Variants in FAM149A observed in about 807,000 individuals in gnomAD.
The protein encoded by FAM149A is protein FAM149A.
In FAM149A, 71 loss-of-function variants were observed where a neutral mutation model predicts 78.2. The ratio of observed to expected loss-of-function variants is 0.91; its 90% CI spans 0.75 to 1.11. The LOEUF (loss-of-function observed/expected upper bound fraction) is 1.11. Among genes scored for constraint, FAM149A ranks in the 50% least tolerant of loss-of-function variants. The pLI is 0.00. For missense variants in FAM149A, 1,036 were observed against 971.0 expected, an observed-to-expected ratio of 1.07 and a Z score of -0.89; for synonymous variants, 446 against 410.5, an observed-to-expected ratio of 1.09 and a Z score of -1.04.
rs751568099 is a variant in FAM149A, at chr4:186,167,026, G to A, written c.2069G>A (p.Arg690Gln). Residue 690 changes from arginine to glutamine, a missense_variant, in exon 12 of 14, where the codon CGA becomes CAA. Arg to Gln is a conservative substitution (Grantham distance 43). This residue lies in a region of FAM149A where 716 missense variants were observed against 711.8 expected (regional missense o/e 1.01). Transcript: ENST00000389354. ...AGTGCCATGCCTGACGGTACAGAAC[G>A]ATCGCGTCTTCGAGAAAGAACAGCC... 1.2e-5 allele frequency: 20 copies of A among 1,613,938 alleles called. No homozygotes were observed. Among genetic ancestry groups the A allele is most frequent in the East Asian group, 2.2e-5 (1 of 44,904 alleles).
At chr4:186,127,241 T>G in intron 1 of FAM149A, 1 of 963,368 alleles carries the variant, frequency 1.0e-6, no homozygotes, top group Non-Finnish European at 1.2e-6. Flanking sequence ...TCACCCTGCA[T>G]GCCCACAAAT....
chr4:186,147,278 G>C (rs1456251426), intron 1 of FAM149A, among the ~76,000 whole-genome samples: 1 of 152,220 alleles, frequency 6.6e-6, no homozygotes, highest in South Asian at 2.1e-4. Context: ...AGCTACTAGA[G>C]AGGCTGAAGG....
At chr4:186,159,269 A>G (rs1387874168) in intron 8 of FAM149A, among the ~76,000 whole-genome samples, 1 of 152,184 alleles carries the variant, frequency 6.6e-6, no homozygotes, top group Non-Finnish European at 1.5e-5. Flanking sequence ...AAAACAAAAA[A>G]AACCTTGTAG....
chr4:186,105,710 C>G, intron 1 of FAM149A, 68 bp downstream of exon 1: 1 of 983,910 alleles, frequency 1.0e-6, no homozygotes. Flanking sequence ...GCCTGCCGCA[C>G]TCACCTTCGC....
At chr4:186,146,530 T>C in intron 1 of FAM149A, 1 of 981,458 alleles carries the variant, frequency 1.0e-6, no homozygotes, top group African/African-American at 1.7e-5. Context: ...GCTTCCACCC[T>C]TTCCCCTGAA....
chr4:186,171,962 A>G lies in FAM149A; in HGVS notation c.2267A>G (p.Lys756Arg), dbSNP rs749833050. The change falls in exon 14 of 14, where the codon AAG becomes AGG. Residue 756 changes from lysine (K) to arginine (R), a missense_variant. Around this residue, in one of 3 missense-constraint regions of FAM149A, gnomAD observed 716 missense variants for 711.8 expected, o/e 1.01. Coordinates refer to ENST00000389354, the MANE Select transcript of FAM149A (RefSeq NM_001367768.3). ...TTTCAGAGGACAACTTTGACTTTCAAGAGGAGATTCCAAGTGACATCTTGA... is the reference window on the plus strand; with the variant it reads ...TTTCAGAGGACAACTTTGACTTTCAGGAGGAGATTCCAAGTGACATCTTGA... 5 of 1,612,926 alleles carry G rather than the reference A, an allele frequency of 3.1e-6. No homozygotes were observed. Among genetic ancestry groups the G allele is most frequent in the Non-Finnish European group, 4.2e-6 (5 of 1,179,430 alleles).
At chr4:186,118,224 A>G (rs1417889684) in intron 1 of FAM149A, 1 of 985,288 alleles carries the variant, frequency 1.0e-6, no homozygotes, top group African/African-American at 1.7e-5. Context: ...AGTGCTCTTT[A>G]CTGTTGCTGT....
rs571987375 is a variant in FAM149A at position 186,151,618 on chromosome 4, G to A, written c.790-285G>A. On this transcript the variant is annotated intron_variant, in intron 3 of 13. Transcript: ENST00000389354. Reference sequence around the variant, plus strand: ...CTGATGTCTGTGGCAGTATGAACACGTCCATCTATACCTCTATCTATGCAA... The same window carrying A: ...CTGATGTCTGTGGCAGTATGAACACATCCATCTATACCTCTATCTATGCAA... 2.3e-5 allele frequency: 11 copies of A among 474,156 alleles called. 1 individual carries two copies. In the South Asian group the frequency reaches 8.9e-4, roughly 39 times the overall value. The allele number at this position is 474,156 out of a possible 1,614,324, so 29.4% of individuals were successfully genotyped here.
intron 1 of FAM149A, chr4:186,132,899 T>C: frequency 1.1e-6 from 1 of 924,136 alleles, no homozygotes; most frequent in African/African-American, 1.8e-5. Flanking sequence ...TTTCACAGTC[T>C]TTCCCTAAAT....
At chr4:186,108,425 A>G (rs1235871146) in intron 1 of FAM149A, among the ~76,000 whole-genome samples, 2 of 150,360 alleles carry the variant, frequency 1.3e-5, no homozygotes, top group Admixed American at 1.3e-4. Flanking sequence ...AAAAAAAAAA[A>G]CAAAAAACTA....
intron 13 of FAM149A, chr4:186,169,179 A>T (rs1405713348): frequency 2.0e-6 from 2 of 983,662 alleles, no homozygotes; most frequent in Non-Finnish European, 2.4e-6. Context: ...ATGCCAAGTC[A>T]GTGTATTCTC....
Position 186,171,575 on chromosome 4 carries a change from C to T in FAM149A, c.2219-339C>T, listed in dbSNP as rs185028532. Among the ~76,000 whole-genome samples, 185 of 152,094 alleles carry T rather than the reference C, an allele frequency of 1.2e-3. 2 individuals are homozygous for T. Among genetic ancestry groups the T allele is most frequent in the African/African-American group, 4.0e-3 (167 of 41,410 alleles). The stretch of plus-strand genomic sequence containing the variant: ...GGGAAGGATCCCTTAAAGTACCTGG[C>T]ATTGCACCTGCCCCTGGGAAGCAGG... On this transcript the variant is annotated intron_variant, in intron 13 of 13. Coordinates refer to ENST00000389354, the MANE Select transcript of FAM149A (RefSeq NM_001367768.3).
At position 186,144,670 on chromosome 4, in the gene FAM149A, G is replaced by T; in HGVS notation, c.567-4503G>T. The T allele has an allele frequency of 5.2e-6, 2 of 383,364 alleles. No individual in the cohort carries two copies. The highest frequency in any genetic ancestry group is 7.2e-6 in the Non-Finnish European group (2 of 278,644). 23.7% of individuals were successfully genotyped at this position (383,364 alleles called of 1,614,324 possible). A position where few individuals can be genotyped will look rare whatever the true frequency, so the allele number is the denominator to read the frequency against. ...TGCGCGGAGGAGTGGCCGCTGGGTT[G>T]GAAACCCGGCCCGGCAGGGAGCGGG... On this transcript the variant is annotated intron_variant, in intron 1 of 13. Coordinates refer to ENST00000389354, the MANE Select transcript of FAM149A (RefSeq NM_001367768.3). This position sits in a 1 kb window ranked among gnomAD's most constrained non-coding sequence, Gnocchi z 4.2.
chr4:186,142,971 C>G (rs2099326472), intron 1 of FAM149A, among the ~76,000 whole-genome samples: 1 of 151,996 alleles, frequency 6.6e-6, no homozygotes, highest in Non-Finnish European at 1.5e-5. Context: ...AGCTGTGTGA[C>G]CTCGAACATG....
intron 1 of FAM149A, chr4:186,125,582 T>G (rs2099317971): frequency 5.7e-6 from 3 of 524,508 alleles, no homozygotes; most frequent in Middle Eastern, 9.3e-4. Context: ...CACGAGAATT[T>G]GCACACGAGG....
intron 3 of FAM149A, among the ~76,000 whole-genome samples, chr4:186,150,458 C>T (rs1391901323): frequency 6.8e-5 from 7 of 102,254 alleles, no homozygotes; most frequent in South Asian, 4.1e-4. Flanking sequence ...CTCGCTCTGT[C>T]GCCCAGGCTG....
intron 1 of FAM149A, among the ~76,000 whole-genome samples, chr4:186,136,603 A>T (rs2099322802): frequency 6.6e-6 from 1 of 152,218 alleles, no homozygotes; most frequent in Non-Finnish European, 1.5e-5. Flanking sequence ...TTGATTACCT[A>T]GGACTTTCTA....
chr4:186,108,930 C>G lies in FAM149A; in HGVS notation c.566+3288C>G, dbSNP rs2099309986. On this transcript the variant is annotated intron_variant, in intron 1 of 13. Transcript: ENST00000389354. ...TGGCGCGATCTCGGCTCACTGCAAGCTCCGCCTCCTGGGTTCACGCCATTC... is the reference window on the plus strand; with the variant it reads ...TGGCGCGATCTCGGCTCACTGCAAGGTCCGCCTCCTGGGTTCACGCCATTC... 2.0e-5 allele frequency: 3 copies of G among 150,826 alleles called. No individual in the cohort carries two copies. The Admixed American group carries it at 2.0e-4, about 10-fold the overall frequency. 9.3% of individuals were successfully genotyped at this position (150,826 alleles called of 1,614,324 possible). A position where few individuals can be genotyped will look rare whatever the true frequency, so the allele number is the denominator to read the frequency against.
chr4:186,144,736 G>GGGGCCGGGGCCGGGGCCC lies in FAM149A; in HGVS notation c.567-4426_567-4425insGGGGCCCGGGCCGGGGCC, dbSNP rs1732850039. On this transcript the variant is annotated intron_variant, in intron 1 of 13. Transcript: ENST00000389354. The surrounding 1 kb of genome is among the most constrained non-coding windows in gnomAD (Gnocchi z 4.2). Reference sequence around the variant, plus strand: ...CGGAGGTCGGCGCGGGGCCGGGGCCGGGGCCGGGGCCCGGAGCGGGGATGG... The same window carrying GGGGCCGGGGCCGGGGCCC: ...CGGAGGTCGGCGCGGGGCCGGGGCCGGGGCCGGGGCCGGGGCCCGGGCCGGGGCCCGGAGCGGGGATGG... 3 of 863,620 alleles carry GGGGCCGGGGCCGGGGCCC rather than the reference G, an allele frequency of 3.5e-6. No individual in the cohort carries two copies. Among genetic ancestry groups the GGGGCCGGGGCCGGGGCCC allele is most frequent in the Non-Finnish European group, 4.2e-6 (3 of 718,452 alleles). The allele number at this position is 863,620 out of a possible 1,614,324, so 53.5% of individuals were successfully genotyped here.
Sources: gnomAD v4.1 joint callset for allele counts (sites outside exome capture counted in the v4.1 genomes callset) on GRCh38, gnomAD v4.1.1 for gene constraint, gnomAD v4.1.1 regional missense constraint, Gnocchi (gnomAD v3.1) non-coding constraint, MANE v1.5 for transcripts, NCBI Gene and HGNC (gene_info 2026-07-23, HGNC 2026-07-21) for gene names.